The following TRPV6 variants were observed in gnomAD, a reference collection of about 807,000 sequenced individuals.
The protein encoded by TRPV6 is Alu-binding protein with zinc finger domain.
Under a neutral mutation model 79.0 loss-of-function variants are expected in TRPV6, and 39 were observed. The ratio of observed to expected loss-of-function variants is 0.49; its 90% CI spans 0.38 to 0.64. The LOEUF is 0.64. Ranked by LOEUF, TRPV6 falls within the 30% of genes least tolerant of loss-of-function variation. The pLI, the probability that TRPV6 is intolerant of heterozygous loss-of-function variation, is 0.00. For synonymous variants in TRPV6, 373 were observed against 391.9 expected (o/e 0.95, Z 0.57); for missense variants, 813 against 1,011.1 (o/e 0.80, Z 2.66).
chr7:142,883,517 C>A (rs1441453869), intron 1 of TRPV6: 1 of 152,210 alleles, frequency 6.6e-6, no homozygotes, highest in African/African-American at 2.4e-5. Flanking sequence ...ACAGGACCCA[C>A]CTTCCATTAT....
chr7:142,876,965 G>C (rs1391595384), intron 4 of TRPV6, 128 bp from the exon 5 acceptor site: 3 of 1,457,218 alleles, frequency 2.1e-6, no homozygotes, highest in Non-Finnish European at 2.8e-6. Context: ...TTTTCCTGCA[G>C]AACCAGAGGA....
intron 10 of TRPV6, 79 bp from the exon 11 acceptor site, chr7:142,874,735 A>G (rs1795018359): frequency 6.4e-7 from 1 of 1,571,636 alleles, no homozygotes; most frequent in Non-Finnish European, 8.7e-7. Context: ...GTAGCTGGGA[A>G]AGTACCCACA....
intron 1 of TRPV6, chr7:142,884,878 G>T (rs776921187): frequency 6.6e-6 from 1 of 152,562 alleles, no homozygotes; most frequent in African/African-American, 2.4e-5. Context: ...ACATAGGAAT[G>T]GTCACTTTTT....
chr7:142,871,884 T>C lies in TRPV6; in HGVS notation c.2121A>G (p.Leu707=), dbSNP rs146276938. 1.8e-5 allele frequency: 29 copies of C among 1,614,206 alleles called. No homozygotes were observed. The African/African-American group carries it at 3.7e-4, about 21-fold the overall frequency. Residue 707 remains leucine (L), a synonymous_variant, in exon 15 of 15, where the codon CTA becomes CTG. Transcript: ENST00000359396. ...GGGGGCTGAAGGGACAGCCCAGCTC[T>C]AGTTTTTCCACTGAGTCTTTGTCCA...
At position 142,873,421 on chromosome 7, in the gene TRPV6, A is replaced by G; in HGVS notation, c.1908+27T>C. 6.2e-7 allele frequency: 1 copy of G among 1,610,694 alleles called. No homozygotes were observed. Among genetic ancestry groups the G allele is most frequent in the Non-Finnish European group, 8.5e-7 (1 of 1,177,946 alleles). On this transcript the variant is annotated intron_variant, in intron 13 of 14. Coordinates refer to ENST00000359396, the MANE Select transcript of TRPV6 (RefSeq NM_018646.6). The surrounding 1 kb of genome is among the most constrained non-coding windows in gnomAD (Gnocchi z 4.8). ...TGGTAGGAAGGGGATGACTTGCCCT[A>G]ACCCTCCCTGCCACCAGGGGGCTCA...
Position 142,873,617 on chromosome 7 carries a change from A to G in TRPV6, c.1739T>C (p.Ile580Thr), listed in dbSNP as rs142497116. Residue 580 changes from isoleucine to threonine, a missense_variant, in exon 13 of 15, where the codon ATC (isoleucine) becomes ACC (threonine). By Grantham distance (89) the Ile-to-Thr change is moderately conservative. Transcript: ENST00000359396. The surrounding 1 kb of genome is among the most constrained non-coding windows in gnomAD (Gnocchi z 4.8). ...GTTGTAGTTGGCTGGGCCATCGATG[A>G]TGGTAAGGAACAGCTCGAAGGTGCT... 4.3e-6 allele frequency: 7 copies of G among 1,614,056 alleles called. No homozygotes were observed. The highest frequency in any genetic ancestry group is 1.3e-5 in the African/African-American group (1 of 74,916).
intron 1 of TRPV6, chr7:142,883,869 G>A (rs571758498): frequency 6.6e-6 from 1 of 152,456 alleles, no homozygotes; most frequent in Admixed American, 6.5e-5. Context: ...TCCCTCCCAA[G>A]GGTGACATCA....
At chr7:142,872,609 C>CA in intron 13 of TRPV6, 131 bp from the exon 14 acceptor site, 1 of 914,538 alleles carries the variant, frequency 1.1e-6, no homozygotes, top group Non-Finnish European at 1.7e-6. Context: ...ATTCTTTACC[C>CA]AATGACCCAA....
intron 13 of TRPV6, 105 bp from the exon 14 acceptor site, chr7:142,872,583 G>A (rs1443035960): frequency 8.6e-7 from 1 of 1,159,562 alleles, no homozygotes; most frequent in Non-Finnish European, 1.2e-6. Flanking sequence ...AGAGTTGATA[G>A]AGCTTGAGAC....
chr7:142,873,580 G>A lies in TRPV6; in HGVS notation c.1776C>T (p.Pro592=). ...CAGCATAGGTGATGCTGTACATGAA[G>A]GGCAGGTCCACGTTGTAGTTGGCTG... Residue 592 remains proline, a synonymous_variant, in exon 13 of 15, where the codon CCC becomes CCT. Transcript: ENST00000359396. This position sits in a 1 kb window ranked among gnomAD's most constrained non-coding sequence, Gnocchi z 4.8. The A allele has an allele frequency of 1.2e-6, 2 of 1,614,230 alleles. No individual in the cohort carries two copies. The highest frequency in any genetic ancestry group is 2.2e-5 in the South Asian group (2 of 91,084).
chr7:142,882,477 T>G (rs1563358694), intron 1 of TRPV6: 1 of 152,106 alleles, frequency 6.6e-6, no homozygotes, highest in Non-Finnish European at 1.5e-5. Flanking sequence ...GTTTTATGGC[T>G]CCTCCTGATT....
intron 10 of TRPV6, 74 bp downstream of exon 10, chr7:142,874,830 G>A (rs1795021618): frequency 1.9e-6 from 3 of 1,594,146 alleles, no homozygotes; most frequent in Non-Finnish European, 2.6e-6. Flanking sequence ...AGGTTCTTGA[G>A]AGGTCAGGAA....
At position 142,877,328 on chromosome 7, in the gene TRPV6, AG is replaced by A. The variant is rs759647654; in HGVS notation, c.470-50del. The A allele has an allele frequency of 1.2e-5, 20 of 1,602,722 alleles. No individual in the cohort carries two copies. The East Asian group carries it at 2.7e-4, about 22-fold the overall frequency. On this transcript the variant is annotated intron_variant, in intron 3 of 14. Transcript: ENST00000359396. ...CACGGGTCTGTCCCCAGGATCCTGC[AG>A]GGGGTCCCTCCCATATGCACCCCAG...
rs760971758 is a variant in TRPV6, at chr7:142,875,779, G to A, written c.1008C>T (p.Ile336=). 5.0e-6 allele frequency: 8 copies of A among 1,606,470 alleles called. No individual in the cohort carries two copies. The African/African-American group carries it at 9.4e-5, about 19-fold the overall frequency. Residue 336 remains isoleucine (I), a synonymous_variant, in exon 7 of 15, where the codon ATC becomes ATT. Transcript: ENST00000359396. ...ATACCTCCCGCTTCTTGGTGGTGAT[G>A]ATAAGTTCCAGCAGGGACTGCTCAT...
At position 142,874,475 on chromosome 7, in the gene TRPV6, TG is replaced by T. The variant is rs751557903; in HGVS notation, c.1572+15del. 1 of 1,613,628 alleles carries T rather than the reference TG, an allele frequency of 6.2e-7. No homozygotes were observed. ...CTCTGGGGCCTTTCTCTAGGGAGCT[TG>T]GGGGGAGGACTGACCTTCTGAATCA... On this transcript the variant is annotated intron_variant, in intron 11 of 14. Coordinates refer to ENST00000359396, the MANE Select transcript of TRPV6 (RefSeq NM_018646.6).
chr7:142,872,855 C>G (rs181047087), intron 13 of TRPV6, among the ~76,000 whole-genome samples: 2 of 152,158 alleles, frequency 1.3e-5, no homozygotes, highest in Admixed American at 1.3e-4. Flanking sequence ...TTAGTTTTTC[C>G]ACTCCGTTTT....
chr7:142,871,444 C>G lies in TRPV6; in HGVS notation c.*263G>C, dbSNP rs928969050. 1 of 504,822 alleles carries G rather than the reference C, an allele frequency of 2.0e-6. No individual in the cohort carries two copies. The highest frequency in any genetic ancestry group is 3.5e-6 in the Non-Finnish European group (1 of 283,554). 31.3% of individuals were successfully genotyped at this position (504,822 alleles called of 1,614,324 possible). The stretch of plus-strand genomic sequence containing the variant: ...GTGCTCTGACATGCAGTGCTCCTGT[C>G]GGAAGGGTGATGAGCAGGCCACAGG... On this transcript the variant is annotated 3_prime_UTR_variant, in exon 15 of 15. Coordinates refer to ENST00000359396, the MANE Select transcript of TRPV6 (RefSeq NM_018646.6).
rs944303465 is a variant in TRPV6 at position 142,873,300 on chromosome 7, G to A, written c.1908+148C>T. 6.5e-6 allele frequency: 7 copies of A among 1,084,588 alleles called. No homozygotes were observed. Among genetic ancestry groups the A allele is most frequent in the Non-Finnish European group, 9.4e-6 (7 of 743,372 alleles). 67.2% of individuals were successfully genotyped at this position (1,084,588 alleles called of 1,614,324 possible). ...TTGCCTGGTTGAATTGCTAATCAGT[G>A]CTTCTGTACATTTTGCATGATTTTG... is the stretch of plus-strand genomic sequence containing the variant. On this transcript the variant is annotated intron_variant, in intron 13 of 14. Transcript: ENST00000359396. This position sits in a 1 kb window ranked among gnomAD's most constrained non-coding sequence, Gnocchi z 4.8.
chr7:142,876,096 C>A, intron 6 of TRPV6, 192 bp from the exon 7 acceptor site: 1 of 692,490 alleles, frequency 1.4e-6, no homozygotes, highest in Non-Finnish European at 2.3e-6. Context: ...TCTCCCATGA[C>A]TCCCTCCAGA....
Sources: allele counts gnomAD v4.1 joint callset (sites outside exome capture counted in the v4.1 genomes callset), GRCh38; gene constraint gnomAD v4.1.1; non-coding constraint Gnocchi (gnomAD v3.1); transcripts MANE v1.5; gene names NCBI Gene and HGNC (gene_info 2026-07-23, HGNC 2026-07-21).